CAMTA1: variants seen among roughly 807,000 people sequenced by gnomAD.
CAMTA1 encodes calmodulin-binding transcription activator 1.
CAMTA1 carries 27 observed loss-of-function variants against 170.9 expected under a neutral mutation model. That is an observed-to-expected ratio of 0.16 (90% confidence interval 0.12 to 0.22). The LOEUF is 0.22. Ranked by LOEUF, CAMTA1 falls within the 10% of genes least tolerant of loss-of-function variation. CAMTA1 has a pLI of 1.00. For synonymous variants in CAMTA1, 833 were observed against 891.5 expected (o/e 0.93, Z 1.17); for missense variants, 1,619 against 2,217.2 (o/e 0.73, Z 5.42).
In CAMTA1 at chr1:7,687,651, C is replaced by T. The variant is rs1475938780; in HGVS notation, c.2914+9918C>T. ...CGTCCCCTGCTTTTCCCATCTTGCA[C>T]CTCTGGTGTTGGTCTTGCCAACCTT... On this transcript the variant is annotated intron_variant, in intron 11 of 22. Transcript: ENST00000303635. Among the ~76,000 whole-genome samples, 6 of 152,234 alleles carry T rather than the reference C, an allele frequency of 3.9e-5. No homozygotes were observed. The East Asian group carries it at 1.2e-3, about 29-fold the overall frequency.
chr1:7,671,001 C>T lies in CAMTA1; in HGVS notation c.2743C>T (p.Leu915=). Residue 915 remains leucine, a synonymous_variant, in exon 10 of 23, where the codon CTG becomes TTG. Transcript: ENST00000303635. ...TGACCAGATCTCAGTGCCTGCATCC[C>T]TGATTCAGCCTGGGGTGCTGCGCTG... The part of the protein sequence containing the change: ...LFDQISVPAS[L]IQPGVLRCYC... 1 of 1,613,680 alleles carries T rather than the reference C, an allele frequency of 6.2e-7. No individual in the cohort carries two copies. Among genetic ancestry groups the T allele is most frequent in the Non-Finnish European group, 8.5e-7 (1 of 1,179,990 alleles).
intron 3 of CAMTA1, among the ~76,000 whole-genome samples, chr1:7,077,710 T>C (rs1639483481): frequency 6.6e-6 from 1 of 151,982 alleles, no homozygotes; most frequent in East Asian, 1.9e-4. Context: ...AGGATGAGCA[T>C]CGGTGTTTTT....
intron 3 of CAMTA1, among the ~76,000 whole-genome samples, chr1:6,905,149 T>G (rs1474191212): frequency 6.6e-6 from 1 of 151,580 alleles, no homozygotes. Flanking sequence ...TGGGCCCTCG[T>G]GAGTCCCTGA....
intron 4 of CAMTA1, among the ~76,000 whole-genome samples, chr1:7,104,369 TACACACACACAC>T (rs35873712): frequency 6.6e-6 from 1 of 150,860 alleles, no homozygotes. Context: ...TCAATACACA[TACACACACACAC>T]ACACACACAC....
intron 16 of CAMTA1, among the ~76,000 whole-genome samples, chr1:7,741,610 G>A (rs1328818698): frequency 6.6e-6 from 1 of 151,974 alleles, no homozygotes; most frequent in East Asian, 1.9e-4. Flanking sequence ...ACGGGCTACA[G>A]AAGGACAGGT....
chr1:7,507,733 C>A (rs2094141848), intron 6 of CAMTA1, among the ~76,000 whole-genome samples: 1 of 152,222 alleles, frequency 6.6e-6, no homozygotes, highest in African/African-American at 2.4e-5. Flanking sequence ...AACTTTGGGG[C>A]CCACGGGCCA....
At chr1:7,270,669 G>T (rs1215811324) in intron 5 of CAMTA1, among the ~76,000 whole-genome samples, 2 of 152,070 alleles carry the variant, frequency 1.3e-5, no homozygotes, top group Non-Finnish European at 2.9e-5. Flanking sequence ...TTTACATAAA[G>T]GAACGAGGAG....
chr1:7,646,061 G>T (rs2095801134), intron 7 of CAMTA1, among the ~76,000 whole-genome samples: 1 of 151,770 alleles, frequency 6.6e-6, no homozygotes. Context: ...TGAGTTTGGT[G>T]GGGGCCCTGG....
chr1:7,152,982 C>A (rs997283942), intron 4 of CAMTA1, among the ~76,000 whole-genome samples: 4 of 152,214 alleles, frequency 2.6e-5, no homozygotes, highest in African/African-American at 9.6e-5. Flanking sequence ...GAAGCTAAAT[C>A]TTGTTTGTAA....
rs576382683 is a variant in CAMTA1 at position 7,562,400 on chromosome 1, G to A, written c.511-78000G>A. Reference sequence around the variant, plus strand: ...TGGTGGCAGCAGCAGGGCAGGCCGCGGCAGCTCAGCTAATTTAAGCTTTGT... The same window carrying A: ...TGGTGGCAGCAGCAGGGCAGGCCGCAGCAGCTCAGCTAATTTAAGCTTTGT... On this transcript the variant is annotated intron_variant, in intron 6 of 22. Coordinates refer to ENST00000303635, the MANE Select transcript of CAMTA1 (RefSeq NM_015215.4). The surrounding 1 kb of genome is among the most constrained non-coding windows in gnomAD (Gnocchi z 4.8). Among the ~76,000 whole-genome samples the A allele has an allele frequency of 1.1e-4, 17 of 152,236 alleles. No homozygotes were observed. Among genetic ancestry groups the A allele is most frequent in the East Asian group, 3.9e-4 (2 of 5,170 alleles).
chr1:7,353,431 C>CG (rs2084844394), intron 5 of CAMTA1, among the ~76,000 whole-genome samples: 1 of 139,002 alleles, frequency 7.2e-6, no homozygotes, highest in Admixed American at 7.2e-5. Flanking sequence ...TTCTTTCTCT[C>CG]TTTTTTTTTT....
At chr1:7,516,527 A>G (rs2094289013) in intron 6 of CAMTA1, among the ~76,000 whole-genome samples, 1 of 152,198 alleles carries the variant, frequency 6.6e-6, no homozygotes, top group African/African-American at 2.4e-5. Context: ...GACAGTGGGA[A>G]CAGCTAAGAA....
chr1:7,653,059 C>T (rs913547460), intron 7 of CAMTA1, among the ~76,000 whole-genome samples: 12 of 152,040 alleles, frequency 7.9e-5, no homozygotes, highest in African/African-American at 2.4e-4. Context: ...CCTATTAGGA[C>T]GTGGATGCTG....
At chr1:7,391,342 T>TGTGTGC (rs1171832540) in intron 5 of CAMTA1, among the ~76,000 whole-genome samples, 1 of 151,690 alleles carries the variant, frequency 6.6e-6, no homozygotes, top group Non-Finnish European at 1.5e-5. Flanking sequence ...TGTGTGTGTG[T>TGTGTGC]GTGTGTGTGT....
At chr1:7,504,538 C>T (rs1410210890) in intron 6 of CAMTA1, among the ~76,000 whole-genome samples, 1 of 152,236 alleles carries the variant, frequency 6.6e-6, no homozygotes, top group African/African-American at 2.4e-5. Flanking sequence ...GGTCTTTCTG[C>T]CAACTGACTC....
At chr1:7,512,702 C>T (rs1049067728) in intron 6 of CAMTA1, among the ~76,000 whole-genome samples, 2 of 152,138 alleles carry the variant, frequency 1.3e-5, no homozygotes, top group Non-Finnish European at 2.9e-5. Flanking sequence ...ACCCAGCATC[C>T]GTAACATAGA....
intron 22 of CAMTA1, among the ~76,000 whole-genome samples, chr1:7,757,709 C>G (rs1032061219): frequency 1.3e-5 from 2 of 151,836 alleles, no homozygotes; most frequent in African/African-American, 4.8e-5. Context: ...GCACTCCAGC[C>G]TGGGCGACAG....
At chr1:6,814,609 T>A (rs1645569546) in intron 1 of CAMTA1, among the ~76,000 whole-genome samples, 1 of 152,190 alleles carries the variant, frequency 6.6e-6, no homozygotes, top group East Asian at 1.9e-4. Context: ...TTTTTGGTAT[T>A]TGAGCCATTA....
chr1:6,991,993 T>C (rs1000581179), intron 3 of CAMTA1, among the ~76,000 whole-genome samples: 13 of 152,132 alleles, frequency 8.5e-5, no homozygotes, highest in Admixed American at 7.9e-4. Flanking sequence ...TGAGCCACTG[T>C]GCCCGGCTTT....
Sources: gnomAD v4.1 joint callset for allele counts (sites outside exome capture counted in the v4.1 genomes callset) on GRCh38, gnomAD v4.1.1 for gene constraint, Gnocchi (gnomAD v3.1) non-coding constraint, MANE v1.5 for transcripts, NCBI Gene and HGNC (gene_info 2026-07-23, HGNC 2026-07-21) for gene names.